Variants in LRP2 observed in about 807,000 individuals in gnomAD.
LRP2 encodes LDL receptor related protein 2, also known as low-density lipoprotein receptor-related protein 2.
A neutral mutation model predicts 531.0 loss-of-function variants in LRP2; 172 were observed. The observed-to-expected ratio is 0.32, with a 90% CI of 0.29 to 0.37. The LOEUF is 0.37. LRP2 is among the 10% of genes least tolerant of loss of function. The pLI is 1.00. For missense variants in LRP2, 5,167 were observed against 5,868.3 expected, an observed-to-expected ratio of 0.88 and a Z score of 3.90; for synonymous variants, 1,992 against 2,027.6, an observed-to-expected ratio of 0.98 and a Z score of 0.47.
intron 16 of LRP2, among the ~76,000 whole-genome samples, chr2:169,267,136 C>G (rs766739504): frequency 1.1e-4 from 17 of 151,710 alleles, no homozygotes; most frequent in Non-Finnish European, 2.2e-4. Flanking sequence ...GCAATCCTCC[C>G]GTCTCGGTTC....
chr2:169,234,818 C>T (rs1689543527), intron 29 of LRP2, among the ~76,000 whole-genome samples: 2 of 151,896 alleles, frequency 1.3e-5, no homozygotes, highest in Non-Finnish European at 2.9e-5. Context: ...TTTATTTTCC[C>T]ATTTAACTTG....
Position 169,152,870 on chromosome 2 carries a change from A to G in LRP2, c.12390T>C (p.Leu4130=), listed in dbSNP as rs1310448558. 6.2e-7 allele frequency: 1 copy of G among 1,613,998 alleles called. No individual in the cohort carries two copies. The highest frequency in any genetic ancestry group is 1.3e-5 in the African/African-American group (1 of 74,916). ...TCAGTTTCAGGTCAACTTCCTGCAC[A>G]AGATTATTGCGGCCGGATTCAAAGT... The part of the protein sequence containing the change: ...IPNFESGRNN[L]VQEVDLKLKY... Residue 4130 remains leucine, a synonymous_variant, in exon 67 of 79, where the codon CTT becomes CTC. Coordinates refer to ENST00000649046, the MANE Select transcript of LRP2 (RefSeq NM_004525.3).
At chr2:169,352,810 A>G (rs913527088) in intron 1 of LRP2, among the ~76,000 whole-genome samples, 11 of 80,190 alleles carry the variant, frequency 1.4e-4, no homozygotes, top group Non-Finnish European at 2.6e-4. Context: ...ATGAGAACAC[A>G]TGGTCACAGG....
chr2:169,206,121 G>A lies in LRP2; in HGVS notation c.7458C>T (p.Leu2486=). ...ITRRIYYSDY[L]NQMINSMAED... is the part of the protein sequence containing the mutation. Reference sequence around the variant, plus strand: ...CAGCCATGGAATTAATCATCTGGTTGAGGTAGTCACTGTAATAAATTCTTC... The same window carrying A: ...CAGCCATGGAATTAATCATCTGGTTAAGGTAGTCACTGTAATAAATTCTTC... Residue 2486 remains leucine, a synonymous_variant, in exon 40 of 79, where the codon CTC becomes CTT. Transcript: ENST00000649046. The A allele has an allele frequency of 6.2e-7, 1 of 1,614,190 alleles. No homozygotes were observed. The highest frequency in any genetic ancestry group is 8.5e-7 in the Non-Finnish European group (1 of 1,180,014).
intron 1 of LRP2, among the ~76,000 whole-genome samples, chr2:169,321,707 T>C (rs541542869): frequency 6.6e-6 from 1 of 152,286 alleles, no homozygotes; most frequent in East Asian, 1.9e-4. Context: ...TAAGCTCATC[T>C]CTGCAAACAA....
At chr2:169,290,818 G>T in intron 8 of LRP2, 27 bp downstream of exon 8, 1 of 1,610,736 alleles carries the variant, frequency 6.2e-7, no homozygotes. Context: ...TTATCTGAAA[G>T]CTACCCAGGT....
intron 35 of LRP2, 126 bp downstream of exon 35, chr2:169,216,127 C>T: frequency 1.0e-6 from 1 of 974,820 alleles, no homozygotes; most frequent in Non-Finnish European, 1.6e-6. Flanking sequence ...GGAGAAGGGG[C>T]AATGAAACAC....
intron 1 of LRP2, among the ~76,000 whole-genome samples, chr2:169,354,250 G>T (rs1231067865): frequency 1.3e-5 from 2 of 152,188 alleles, no homozygotes; most frequent in African/African-American, 4.8e-5. Context: ...CTTACTTAAT[G>T]TGAATCAGTA....
rs768233553 is a variant in LRP2 at position 169,177,959 on chromosome 2, T to C, written c.10237A>G (p.Ile3413Val). The C allele has an allele frequency of 2.7e-5, 44 of 1,614,090 alleles. No homozygotes were observed. Among genetic ancestry groups the C allele is most frequent in the Non-Finnish European group, 3.6e-5 (43 of 1,180,028 alleles). Reference protein sequence around the residue: ...YDGALPHPFAITIFEDTIYWT... With the variant: ...YDGALPHPFAVTIFEDTIYWT... ...TAAATAGTGTCTTCAAAAATGGTAATAGCGAAAGGGTGAGGCAGTGCCCCA... is the reference window on the plus strand; with the variant it reads ...TAAATAGTGTCTTCAAAAATGGTAACAGCGAAAGGGTGAGGCAGTGCCCCA... Residue 3413 changes from isoleucine to valine, a missense_variant, in exon 53 of 79, where the codon ATT becomes GTT. Around this residue, in one of 6 missense-constraint regions of LRP2, gnomAD observed 1,129 missense variants for 1,362.7 expected, o/e 0.83. Transcript: ENST00000649046.
intron 63 of LRP2, among the ~76,000 whole-genome samples, chr2:169,157,957 T>TAAATAAATAAATAAAAAAAA (rs568534822): frequency 1.4e-5 from 2 of 146,072 alleles, no homozygotes; most frequent in East Asian, 4.2e-4. Flanking sequence ...AATAAATAAA[T>TAAATAAATAAATAAAAAAAA]AAAAGACATG....
In LRP2 at chr2:169,243,527, T is replaced by C. The variant is rs1305628816; in HGVS notation, c.3431-5A>G. 1.2e-6 allele frequency: 2 copies of C among 1,613,858 alleles called. No individual in the cohort carries two copies. The highest frequency in any genetic ancestry group is 1.7e-6 in the Non-Finnish European group (2 of 1,179,924). Reference sequence around the variant, plus strand: ...GTTGGCATGTCTCTGTCGAATCTAATGTCATCCGAAAACAAAACCAACAAG... The same window carrying C: ...GTTGGCATGTCTCTGTCGAATCTAACGTCATCCGAAAACAAAACCAACAAG... On this transcript the variant is annotated splice_polypyrimidine_tract_variant and splice_region_variant and intron_variant, in intron 22 of 78. Coordinates refer to ENST00000649046, the MANE Select transcript of LRP2 (RefSeq NM_004525.3).
At position 169,239,508 on chromosome 2, in the gene LRP2, G is replaced by A. The variant is rs830973; in HGVS notation, c.4294+19C>T. 546,563 of 1,613,190 alleles carry A rather than the reference G, an allele frequency of 0.34. 98,372 individuals carry two copies. The highest frequency in any genetic ancestry group is 0.57 in the South Asian group (51,731 of 91,038). On this transcript the variant is annotated intron_variant, in intron 26 of 78. Transcript: ENST00000649046. ...CTGGGATGTGCTGATAAACTGGCTCGGGTTAGTTCAGCAATTACCTGTAAC... is the reference window on the plus strand; with the variant it reads ...CTGGGATGTGCTGATAAACTGGCTCAGGTTAGTTCAGCAATTACCTGTAAC...
intron 35 of LRP2, among the ~76,000 whole-genome samples, 184 bp downstream of exon 35, chr2:169,216,069 C>G (rs898263947): frequency 1.6e-4 from 25 of 152,010 alleles, no homozygotes; most frequent in African/African-American, 5.8e-4. Context: ...CTATAAAGAA[C>G]TGGACTTCAG....
chr2:169,302,640 C>T (rs778097897), intron 4 of LRP2, among the ~76,000 whole-genome samples: 21 of 152,012 alleles, frequency 1.4e-4, no homozygotes, highest in Admixed American at 5.2e-4. Context: ...GGTCTAGCTA[C>T]TAATTGCCAA....
intron 58 of LRP2, among the ~76,000 whole-genome samples, 177 bp from the exon 59 acceptor site, chr2:169,170,844 T>A (rs1686971012): frequency 6.6e-6 from 1 of 151,782 alleles, no homozygotes; most frequent in Non-Finnish European, 1.5e-5. Context: ...TAATTTTGAG[T>A]CTGTAAAGAA....
intron 1 of LRP2, among the ~76,000 whole-genome samples, chr2:169,335,751 C>T (rs1685386288): frequency 6.6e-6 from 1 of 152,120 alleles, no homozygotes; most frequent in Admixed American, 6.5e-5. Flanking sequence ...TGGTGGATTA[C>T]TCCCGTAATC....
chr2:169,148,504 G>T (rs1686004029), intron 68 of LRP2, among the ~76,000 whole-genome samples: 1 of 151,976 alleles, frequency 6.6e-6, no homozygotes, highest in Non-Finnish European at 1.5e-5. Flanking sequence ...AATAAGCCAG[G>T]CATGGTGGTG....
rs189806678 is a variant in LRP2 at position 169,169,774 on chromosome 2, G to A, written c.11425C>T (p.His3809Tyr). Reference protein sequence around the residue: ...HPEYFQCTSGHCVHSELKCDG... With the variant: ...HPEYFQCTSGYCVHSELKCDG... ...CATTTCAGTTCACTGTGTACACAAT[G>A]TCCACTTGTACACTGAAAATATTCA... Residue 3809 changes from histidine to tyrosine, a missense_variant, in exon 60 of 79, where the codon CAT (histidine) becomes TAT (tyrosine). Around this residue, in one of 6 missense-constraint regions of LRP2, gnomAD observed 564 missense variants for 747.7 expected, o/e 0.75. Transcript: ENST00000649046. 7.4e-6 allele frequency: 12 copies of A among 1,613,936 alleles called. No individual in the cohort carries two copies. Among genetic ancestry groups the A allele is most frequent in the Non-Finnish European group, 9.3e-6 (11 of 1,179,936 alleles).
At chr2:169,317,467 G>A (rs1394688025) in intron 3 of LRP2, among the ~76,000 whole-genome samples, 1 of 152,170 alleles carries the variant, frequency 6.6e-6, no homozygotes, top group Non-Finnish European at 1.5e-5. Context: ...ATGCAATCAA[G>A]AAAGGCCAAT....
Sources: gnomAD v4.1 joint callset for allele counts (sites outside exome capture counted in the v4.1 genomes callset) on GRCh38, gnomAD v4.1.1 for gene constraint, gnomAD v4.1.1 regional missense constraint, MANE v1.5 for transcripts, NCBI Gene and HGNC (gene_info 2026-07-23, HGNC 2026-07-21) for gene names.